Variants in PARD3 observed in about 807,000 individuals in gnomAD.
PARD3 encodes par-3 family cell polarity regulator.
In PARD3, 75 loss-of-function variants were observed where a neutral mutation model predicts 155.4. That is an observed-to-expected ratio of 0.48 (90% CI 0.40 to 0.58). The LOEUF (loss-of-function observed/expected upper bound fraction) is 0.58. Among genes scored for constraint, PARD3 ranks in the 20% least tolerant of loss-of-function variants. The pLI is 0.00. For synonymous variants in PARD3, 576 were observed against 610.5 expected (o/e 0.94, Z 0.83); for missense variants, 1,642 against 1,721.7 (o/e 0.95, Z 0.82).
At chr10:34,294,242 T>A (rs984512097) in intron 20 of PARD3, among the ~76,000 whole-genome samples, 2 of 152,200 alleles carry the variant, frequency 1.3e-5, no homozygotes, top group African/African-American at 4.8e-5. Context: ...ACATCCACCC[T>A]CAATTAAATA....
chr10:34,172,078 G>C (rs548027723), intron 22 of PARD3, among the ~76,000 whole-genome samples: 1 of 150,182 alleles, frequency 6.7e-6, no homozygotes, highest in African/African-American at 2.5e-5. Flanking sequence ...CCTTGTGAAA[G>C]ATTTACTAAA....
intron 5 of PARD3, among the ~76,000 whole-genome samples, chr10:34,402,336 C>CA (rs371548433): frequency 7.9e-5 from 12 of 152,186 alleles, no homozygotes; most frequent in African/African-American, 2.6e-4. Flanking sequence ...GCTTCCTACT[C>CA]AAAACAGTTA....
chr10:34,788,359 G>A (rs1310872468), intron 1 of PARD3, among the ~76,000 whole-genome samples: 4 of 151,940 alleles, frequency 2.6e-5, no homozygotes, highest in Admixed American at 2.6e-4. Flanking sequence ...TAACATGGAC[G>A]ACTCTAAACA....
chr10:34,370,486 C>T (rs1021006746), intron 12 of PARD3, among the ~76,000 whole-genome samples: 1 of 152,058 alleles, frequency 6.6e-6, no homozygotes, highest in African/African-American at 2.4e-5. Context: ...CGCTGTGTTG[C>T]CCAGACTGGT....
chr10:34,697,104 G>A (rs1015062250), intron 1 of PARD3, among the ~76,000 whole-genome samples: 2 of 150,948 alleles, frequency 1.3e-5, no homozygotes, highest in African/African-American at 2.4e-5. Flanking sequence ...TGAGGAGAAG[G>A]AAAAAAAAGG....
intron 4 of PARD3, among the ~76,000 whole-genome samples, chr10:34,452,216 G>C (rs1026953976): frequency 6.6e-6 from 1 of 152,104 alleles, no homozygotes; most frequent in Non-Finnish European, 1.5e-5. Flanking sequence ...TGCTTACTTA[G>C]AGAATGAATA....
At position 34,470,175 on chromosome 10, in the gene PARD3, C is replaced by T. The variant is rs1364234081; in HGVS notation, c.492G>A (p.Glu164=). 5 of 1,613,212 alleles carry T rather than the reference C, an allele frequency of 3.1e-6. No individual in the cohort carries two copies. The highest frequency in any genetic ancestry group is 2.2e-5 in the East Asian group (1 of 44,854). The part of the protein sequence containing the change: ...SVSDSNFSSE[E]PSRKNPTRWS... Reference sequence around the variant, plus strand: ...AGCGTGTGGGATTTTTCCTTGAAGGCTCTTCAGAGGAAAAATTACTATCAC... The same window carrying T: ...AGCGTGTGGGATTTTTCCTTGAAGGTTCTTCAGAGGAAAAATTACTATCAC... Residue 164 remains glutamate (E), a synonymous_variant, in exon 4 of 25, where the codon GAG becomes GAA. Coordinates refer to ENST00000374788, the MANE Select transcript of PARD3 (RefSeq NM_001184785.2).
chr10:34,548,532 GTC>G (rs1487764788), intron 2 of PARD3, among the ~76,000 whole-genome samples: 1 of 150,612 alleles, frequency 6.6e-6, no homozygotes, highest in African/African-American at 2.5e-5. Flanking sequence ...AAATAGCGTG[GTC>G]ACGTATGAAG....
intron 2 of PARD3, among the ~76,000 whole-genome samples, chr10:34,646,712 C>G (rs2092848509): frequency 6.6e-6 from 1 of 152,190 alleles, no homozygotes; most frequent in Admixed American, 6.5e-5. Flanking sequence ...GTCGCCCAGG[C>G]TGGAGTGCAA....
chr10:34,602,485 T>C (rs2089876527), intron 2 of PARD3, among the ~76,000 whole-genome samples: 1 of 152,212 alleles, frequency 6.6e-6, no homozygotes, highest in African/African-American at 2.4e-5. Flanking sequence ...ACACTAGGTA[T>C]GCCACTGATA....
intron 7 of PARD3, among the ~76,000 whole-genome samples, chr10:34,386,774 A>G (rs2132041528): frequency 6.6e-6 from 1 of 151,378 alleles, no homozygotes; most frequent in East Asian, 1.9e-4. Flanking sequence ...GTGAGCCGAG[A>G]TCGCGCCACT....
chr10:34,562,804 G>T, intron 2 of PARD3, among the ~76,000 whole-genome samples: 1 of 150,966 alleles, frequency 6.6e-6, no homozygotes, highest in Non-Finnish European at 1.5e-5. Context: ...TCTGTCACCT[G>T]GGCTGGAGTA....
intron 22 of PARD3, among the ~76,000 whole-genome samples, chr10:34,245,155 G>A (rs927449781): frequency 6.6e-6 from 1 of 152,154 alleles, no homozygotes; most frequent in Non-Finnish European, 1.5e-5. Flanking sequence ...TACAAACTCT[G>A]TCAGATCTGA....
chr10:34,714,489 C>T (rs2094489945), intron 1 of PARD3, among the ~76,000 whole-genome samples: 1 of 152,138 alleles, frequency 6.6e-6, no homozygotes, highest in African/African-American at 2.4e-5. Flanking sequence ...GTTAAAGTGC[C>T]ACAGCACCCC....
intron 22 of PARD3, among the ~76,000 whole-genome samples, chr10:34,261,747 A>C (rs1368439622): frequency 1.5e-5 from 2 of 129,348 alleles, no homozygotes; most frequent in Non-Finnish European, 3.1e-5. Flanking sequence ...AAAGGAAGAA[A>C]GGAAGGAAGA....
intron 22 of PARD3, among the ~76,000 whole-genome samples, chr10:34,253,390 G>A (rs1424241415): frequency 6.6e-6 from 1 of 152,192 alleles, no homozygotes; most frequent in African/African-American, 2.4e-5. Context: ...AACCAAGAAT[G>A]TTAAATTCTT....
At chr10:34,373,220 G>A (rs1471838153) in intron 11 of PARD3, among the ~76,000 whole-genome samples, 5 of 151,758 alleles carry the variant, frequency 3.3e-5, no homozygotes, top group Admixed American at 2.6e-4. Flanking sequence ...TTGAGAAGCA[G>A]CTGCAACATG....
At chr10:34,455,060 T>C (rs2077263843) in intron 4 of PARD3, among the ~76,000 whole-genome samples, 1 of 152,158 alleles carries the variant, frequency 6.6e-6, no homozygotes, top group Non-Finnish European at 1.5e-5. Context: ...GCTATTTAGC[T>C]GATGGTCAGA....
chr10:34,178,694 T>C (rs1202196542), intron 22 of PARD3, among the ~76,000 whole-genome samples: 3 of 151,850 alleles, frequency 2.0e-5, no homozygotes, highest in African/African-American at 7.3e-5. Flanking sequence ...TACAAAGGAG[T>C]AGACATTTGC....
Sources: gnomAD v4.1 joint callset for allele counts (sites outside exome capture counted in the v4.1 genomes callset) on GRCh38, gnomAD v4.1.1 for gene constraint, MANE v1.5 for transcripts, NCBI Gene and HGNC (gene_info 2026-07-23, HGNC 2026-07-21) for gene names.